The following TECTA variants were observed in gnomAD, a reference collection of about 807,000 sequenced individuals.
TECTA encodes the protein alpha-tectorin.
Under a neutral mutation model 216.8 loss-of-function variants are expected in TECTA, and 128 were observed. The observed-to-expected ratio is 0.59, with a 90% CI of 0.51 to 0.68. The LOEUF (loss-of-function observed/expected upper bound fraction) is 0.68. Among genes scored for constraint, TECTA ranks in the 30% least tolerant of loss-of-function variants. The probability of loss-of-function intolerance (pLI) is 0.00; values close to 1 mark genes in which losing one functional copy is unlikely to be tolerated. For missense variants in TECTA, 2,551 were observed against 2,786.2 expected (o/e 0.92, Z 1.90); for synonymous variants, 1,089 against 1,117.1 (o/e 0.97, Z 0.50).
intron 11 of TECTA, among the ~76,000 whole-genome samples, chr11:121,142,055 G>A (rs1946789769): frequency 6.6e-6 from 1 of 152,140 alleles, no homozygotes; most frequent in Non-Finnish European, 1.5e-5. Flanking sequence ...TGAGGTGAGG[G>A]TGTCTAGGAA....
chr11:121,156,991 C>T (rs1415506179), intron 13 of TECTA, among the ~76,000 whole-genome samples: 1 of 152,140 alleles, frequency 6.6e-6, no homozygotes, highest in African/African-American at 2.4e-5. Flanking sequence ...AATGAAGGTA[C>T]TTCCATCAGA....
In TECTA at chr11:121,109,807, A is replaced by C. The variant is rs577949674; in HGVS notation, c.486+309A>C. 15 of 387,124 alleles carry C rather than the reference A, an allele frequency of 3.9e-5. No homozygotes were observed. The East Asian group carries it at 6.8e-4, about 18-fold the overall frequency. 24.0% of individuals were successfully genotyped at this position (387,124 alleles called of 1,614,324 possible). On this transcript the variant is annotated intron_variant, in intron 4 of 23. Coordinates refer to ENST00000392793, the MANE Select transcript of TECTA (RefSeq NM_005422.4). ...TGTTTTGCAGGAGAGTGCTTGAGGCACTGAGACCCATTCCAGGCCACATGC... is the reference window on the plus strand; with the variant it reads ...TGTTTTGCAGGAGAGTGCTTGAGGCCCTGAGACCCATTCCAGGCCACATGC...
At position 121,145,663 on chromosome 11, in the gene TECTA, G is replaced by A. The variant is rs1367069555; in HGVS notation, c.3652G>A (p.Val1218Ile). 19 of 1,614,100 alleles carry A rather than the reference G, an allele frequency of 1.2e-5. No homozygotes were observed. The highest frequency in any genetic ancestry group is 1.4e-5 in the Non-Finnish European group (16 of 1,180,046). Residue 1218 changes from valine to isoleucine, a missense_variant, in exon 12 of 24, where the codon GTA (valine) becomes ATA (isoleucine). Val to Ile is a conservative substitution (Grantham distance 29). Around this residue, in one of 3 missense-constraint regions of TECTA, gnomAD observed 2,375 missense variants for 2,563.9 expected, o/e 0.93. Transcript: ENST00000392793. ...VVETDFGLKV[V>I]YDWKTFLSIT... The stretch of plus-strand genomic sequence containing the variant: ...GGAAACTGATTTTGGCCTGAAGGTT[G>A]TATATGACTGGAAGACCTTCCTGTC...
rs1015078781 is a variant in TECTA, at chr11:121,149,562, A to G, written c.4106-3319A>G. Among the ~76,000 whole-genome samples, 7 of 152,204 alleles carry G rather than the reference A, an allele frequency of 4.6e-5. No homozygotes were observed. The East Asian group carries it at 5.8e-4, about 13-fold the overall frequency. On this transcript the variant is annotated intron_variant, in intron 12 of 23. Coordinates refer to ENST00000392793, the MANE Select transcript of TECTA (RefSeq NM_005422.4). ...TGATGAGGGAGATATTATGATCCCAATTTTATAGATGAGAAAACAGAGGTT... is the reference window on the plus strand; with the variant it reads ...TGATGAGGGAGATATTATGATCCCAGTTTTATAGATGAGAAAACAGAGGTT...
chr11:121,136,882 G>C (rs1053493535), intron 10 of TECTA, among the ~76,000 whole-genome samples: 1 of 152,168 alleles, frequency 6.6e-6, no homozygotes, highest in African/African-American at 2.4e-5. Context: ...TTACTTTCCA[G>C]GTTGTTGAGA....
At chr11:121,130,899 C>G (rs1160987612) in intron 10 of TECTA, among the ~76,000 whole-genome samples, 1 of 152,086 alleles carries the variant, frequency 6.6e-6, no homozygotes, top group African/African-American at 2.4e-5. Context: ...GGGCCCCACA[C>G]CAAAGCCAAG....
chr11:121,129,940 G>A lies in TECTA; in HGVS notation c.2670G>A (p.Gly890=). 6.2e-7 allele frequency: 1 copy of A among 1,610,066 alleles called. No homozygotes were observed. Among genetic ancestry groups the A allele is most frequent in the African/African-American group, 1.3e-5 (1 of 74,970 alleles). Residue 890 remains glycine (G), a synonymous_variant, in exon 10 of 24, where the codon GGG becomes GGA. Coordinates refer to ENST00000392793, the MANE Select transcript of TECTA (RefSeq NM_005422.4). ...TFEEICNGEC[G]DLLKACNNDS... ...AGGAGATCTGCAATGGAGAGTGTGG[G>A]GACCTGCTGAAGGCCTGCAACAATG...
intron 12 of TECTA, among the ~76,000 whole-genome samples, chr11:121,147,784 T>TG (rs1254112236): frequency 6.6e-6 from 1 of 152,176 alleles, no homozygotes; most frequent in African/African-American, 2.4e-5. Flanking sequence ...CATGCTGTGC[T>TG]GGGTGTACTG....
At chr11:121,167,910 G>A (rs1591464046) in intron 18 of TECTA, 144 bp from the exon 19 acceptor site, 1 of 933,906 alleles carries the variant, frequency 1.1e-6, no homozygotes, top group East Asian at 2.5e-5. Flanking sequence ...TAAATGCTAA[G>A]GCTAGCTCCA....
chr11:121,181,198 A>AT (rs1353861273), intron 20 of TECTA, among the ~76,000 whole-genome samples: 1 of 152,096 alleles, frequency 6.6e-6, no homozygotes, highest in Non-Finnish European at 1.5e-5. Flanking sequence ...TTGATCTAGC[A>AT]TATTGTTGAA....
At chr11:121,132,527 G>A (rs1243852041) in intron 10 of TECTA, among the ~76,000 whole-genome samples, 1 of 152,170 alleles carries the variant, frequency 6.6e-6, no homozygotes, top group East Asian at 1.9e-4. Context: ...TCTTCCTAGA[G>A]TGTCATTGAT....
intron 20 of TECTA, among the ~76,000 whole-genome samples, chr11:121,187,369 C>T (rs976613849): frequency 5.3e-5 from 8 of 152,220 alleles, no homozygotes; most frequent in Non-Finnish European, 1.0e-4. Context: ...TCTTCTTTCC[C>T]CTCCAGCTCC....
In TECTA at chr11:121,113,009, C is replaced by T. The variant is rs1456089204; in HGVS notation, c.487-63C>T. On this transcript the variant is annotated intron_variant, in intron 4 of 23. Transcript: ENST00000392793. The surrounding 1 kb of genome is among the most constrained non-coding windows in gnomAD (Gnocchi z 4.2). ...GGAGGGCGCAGGGTGAAGGGAGGAC[C>T]TCCTTGGGGCCAGGACCTCCTGGGG... The T allele has an allele frequency of 3.7e-6, 6 of 1,608,804 alleles. No individual in the cohort carries two copies. The highest frequency in any genetic ancestry group is 5.1e-6 in the Non-Finnish European group (6 of 1,177,270).
rs752340915 is a variant in TECTA, at chr11:121,109,468, C to T, written c.456C>T (p.Val152=). 6.2e-7 allele frequency: 1 copy of T among 1,614,138 alleles called. No homozygotes were observed. Among genetic ancestry groups the T allele is most frequent in the South Asian group, 1.1e-5 (1 of 91,066 alleles). ...TWVFIVTWEE[V]TFYGGSSTTP... is the part of the protein sequence containing the mutation. ...TTTTCATTGTGACATGGGAGGAAGT[C>T]ACGTTTTATGGAGGCAGCAGCACCA... The change falls in exon 4 of 24, where the codon GTC becomes GTT. Residue 152 remains valine, a synonymous_variant. Transcript: ENST00000392793.
chr11:121,102,361 G>A (rs1047588971), intron 1 of TECTA, among the ~76,000 whole-genome samples: 6 of 152,134 alleles, frequency 3.9e-5, no homozygotes, highest in Non-Finnish European at 7.3e-5. Flanking sequence ...ATGCAGAGGG[G>A]ATACCTTTCC....
At chr11:121,171,852 C>G (rs1274080727) in intron 20 of TECTA, among the ~76,000 whole-genome samples, 2 of 152,104 alleles carry the variant, frequency 1.3e-5, no homozygotes, top group Non-Finnish European at 2.9e-5. Context: ...ATCATGTTAT[C>G]TGCAAAGGGA....
At chr11:121,165,030 C>T (rs1055007553) in intron 16 of TECTA, among the ~76,000 whole-genome samples, 1 of 152,182 alleles carries the variant, frequency 6.6e-6, no homozygotes, top group African/African-American at 2.4e-5. Context: ...TGAAATAGAG[C>T]TTATAATACT....
intron 7 of TECTA, among the ~76,000 whole-genome samples, chr11:121,119,010 C>CACACATACAT (rs1555122869): frequency 1.1e-5 from 1 of 93,298 alleles, no homozygotes; most frequent in Non-Finnish European, 2.1e-5. Context: ...CACACACACA[C>CACACATACAT]ACACACACAC....
chr11:121,168,034 G>A lies in TECTA; in HGVS notation c.5587-20G>A. 6.2e-7 allele frequency: 1 copy of A among 1,614,024 alleles called. No individual in the cohort carries two copies. The highest frequency in any genetic ancestry group is 8.5e-7 in the Non-Finnish European group (1 of 1,179,960). Reference sequence around the variant, plus strand: ...CTCACTCCCAGATGTAACGATTTCTGACTTCCCCTTGTTCTGCAGTCCAAT... The same window carrying A: ...CTCACTCCCAGATGTAACGATTTCTAACTTCCCCTTGTTCTGCAGTCCAAT... On this transcript the variant is annotated intron_variant, in intron 18 of 23. Coordinates refer to ENST00000392793, the MANE Select transcript of TECTA (RefSeq NM_005422.4).
Sources: allele counts gnomAD v4.1 joint callset (sites outside exome capture counted in the v4.1 genomes callset), GRCh38; gene constraint gnomAD v4.1.1; regional missense constraint gnomAD v4.1.1; non-coding constraint Gnocchi (gnomAD v3.1); transcripts MANE v1.5; gene names NCBI Gene and HGNC (gene_info 2026-07-23, HGNC 2026-07-21).